The following CEP85L variants were observed in gnomAD, a reference collection of about 807,000 sequenced individuals.
CEP85L encodes the protein centrosomal protein of 85 kDa-like.
Under a neutral mutation model 100.3 loss-of-function variants are expected in CEP85L, and 60 were observed. The observed-to-expected ratio is 0.60, with a 90% CI of 0.49 to 0.74. The LOEUF is 0.74. CEP85L is among the 30% of genes least tolerant of loss of function. The pLI is 0.00. For synonymous variants in CEP85L, 319 were observed against 322.7 expected, an observed-to-expected ratio of 0.99 and a Z score of 0.12; for missense variants, 973 against 936.2, an observed-to-expected ratio of 1.04 and a Z score of -0.51.
At chr6:118,548,112 A>G (rs981967273) in intron 3 of CEP85L, among the ~76,000 whole-genome samples, 1 of 152,156 alleles carries the variant, frequency 6.6e-6, no homozygotes, top group African/African-American at 2.4e-5. Flanking sequence ...ACTGTTTTAA[A>G]TTAAAAACAA....
chr6:118,535,288 G>A (rs1010888814), intron 3 of CEP85L, among the ~76,000 whole-genome samples: 1 of 152,066 alleles, frequency 6.6e-6, no homozygotes, highest in Non-Finnish European at 1.5e-5. Context: ...CACACTCAAA[G>A]GCTATCAACT....
chr6:118,678,646 T>A (rs969144405), intron 1 of CEP85L, among the ~76,000 whole-genome samples: 4 of 152,254 alleles, frequency 2.6e-5, no homozygotes, highest in Admixed American at 1.3e-4. Context: ...TTATCCTCAA[T>A]GCTTGCAGCA....
intron 5 of CEP85L, among the ~76,000 whole-genome samples, chr6:118,496,122 CA>C (rs1444141299): frequency 6.6e-6 from 1 of 152,180 alleles, no homozygotes; most frequent in Admixed American, 6.5e-5. Context: ...GTCAGATGGT[CA>C]CTTCTGCATG....
chr6:118,569,368 A>AAAAAAG (rs56914205), intron 2 of CEP85L, among the ~76,000 whole-genome samples: 3 of 140,770 alleles, frequency 2.1e-5, no homozygotes, highest in African/African-American at 7.7e-5. Context: ...AAAAAAAAAA[A>AAAAAAG]GGAGTAAAAT....
At position 118,480,514 on chromosome 6, in the gene CEP85L, C is replaced by A; in HGVS notation, c.1746-1G>T. 2 of 1,585,294 alleles carry A rather than the reference C, an allele frequency of 1.3e-6. No individual in the cohort carries two copies. Among genetic ancestry groups the A allele is most frequent in the Non-Finnish European group, 1.7e-6 (2 of 1,157,280 alleles). On this transcript the variant is annotated splice_acceptor_variant, in intron 8 of 12. Coordinates refer to ENST00000368491, the MANE Select transcript of CEP85L (RefSeq NM_001042475.3). LOFTEE classifies it high-confidence loss of function. ...GCATCTTTCTACTTTTTGTTGCAAA[C>A]TATTTCAAAAGACAATTATATGAAG...
chr6:118,705,395 T>C (rs1777563571), intron 1 of CEP85L, among the ~76,000 whole-genome samples: 2 of 152,234 alleles, frequency 1.3e-5, no homozygotes, highest in African/African-American at 4.8e-5. Context: ...GGAAGAGATA[T>C]AATTTCTGCA....
Position 118,682,257 on chromosome 6 carries a change from A to C in CEP85L, c.-28+27779T>G, listed in dbSNP as rs575006848. Among the ~76,000 whole-genome samples the C allele has an allele frequency of 4.6e-5, 7 of 152,332 alleles. No homozygotes were observed. In the East Asian group the frequency reaches 1.3e-3, roughly 29 times the overall value. On this transcript the variant is annotated intron_variant, in intron 1 of 13. Coordinates refer to the CEP85L transcript ENST00000368488. ...GTCTTAGAAAAACAATCAAAGAAAA[A>C]TAAAGTATGGTGTCTCCAAGGTTTT...
chr6:118,473,728 G>A (rs533404047), intron 10 of CEP85L, among the ~76,000 whole-genome samples: 1 of 152,248 alleles, frequency 6.6e-6, no homozygotes, highest in Admixed American at 6.5e-5. Flanking sequence ...GCTTGGAACA[G>A]GGTGGCAATG....
chr6:118,502,509 C>A, intron 5 of CEP85L: 1 of 502,824 alleles, frequency 2.0e-6, no homozygotes, highest in South Asian at 1.7e-5. Context: ...ACAAGTAGAG[C>A]CAGCAGGACA....
intron 1 of CEP85L, among the ~76,000 whole-genome samples, chr6:118,669,546 C>T (rs1371168271): frequency 6.6e-6 from 1 of 152,130 alleles, no homozygotes; most frequent in Non-Finnish European, 1.5e-5. Context: ...ATATTACCTA[C>T]TTTTAAATAA....
intron 2 of CEP85L, among the ~76,000 whole-genome samples, chr6:118,585,438 G>A (rs959323068): frequency 3.9e-5 from 6 of 152,204 alleles, no homozygotes; most frequent in Non-Finnish European, 7.3e-5. Context: ...CAGATTAGCT[G>A]ATCAGGCAGC....
intron 6 of CEP85L, among the ~76,000 whole-genome samples, chr6:118,489,800 G>T (rs1214505983): frequency 6.6e-6 from 1 of 152,084 alleles, no homozygotes; most frequent in South Asian, 2.1e-4. Context: ...TTATCCAAAA[G>T]AATTGAAATC....
chr6:118,529,065 G>A lies in CEP85L; in HGVS notation c.1021-5145C>T, dbSNP rs74687451. On this transcript the variant is annotated intron_variant, in intron 3 of 12. Coordinates refer to ENST00000368491, the MANE Select transcript of CEP85L (RefSeq NM_001042475.3). ...TGGAAATAAATCAGGTATCTACCCC[G>A]GAACCATTTATCTTTTGAAAGTCCT... Among the ~76,000 whole-genome samples, 269 of 152,220 alleles carry A rather than the reference G, an allele frequency of 1.8e-3. 1 individual carries two copies. Among genetic ancestry groups the A allele is most frequent in the East Asian group, 0.015 (78 of 5,178 alleles).
chr6:118,540,670 T>C (rs2114875224), intron 3 of CEP85L, among the ~76,000 whole-genome samples: 1 of 151,992 alleles, frequency 6.6e-6, no homozygotes, highest in South Asian at 2.1e-4. Context: ...GGCAGGAGAA[T>C]CGCTTGAACC....
intron 2 of CEP85L, among the ~76,000 whole-genome samples, chr6:118,594,498 T>C (rs1253984183): frequency 6.6e-6 from 1 of 152,072 alleles, no homozygotes; most frequent in East Asian, 1.9e-4. Flanking sequence ...AGAAAAAACT[T>C]AACACTATCT....
At chr6:118,561,823 AAAATC>A (rs1210087614) in intron 3 of CEP85L, among the ~76,000 whole-genome samples, 1 of 152,190 alleles carries the variant, frequency 6.6e-6, no homozygotes, top group African/African-American at 2.4e-5. Flanking sequence ...CAAATAAAAC[AAAATC>A]AAGACGCCCA....
chr6:118,465,283 A>T lies in CEP85L; in HGVS notation c.*122T>A. The T allele has an allele frequency of 1.1e-6, 1 of 876,954 alleles. No individual in the cohort carries two copies. The highest frequency in any genetic ancestry group is 1.7e-6 in the Non-Finnish European group (1 of 597,882). 54.3% of individuals were successfully genotyped at this position (876,954 alleles called of 1,614,324 possible). A position where few individuals can be genotyped will look rare whatever the true frequency, so the allele number is the denominator to read the frequency against. Reference sequence around the variant, plus strand: ...TCACTTCCCTTCTCCCCTTCAACAAAACAAATCCACAGAAAAAAAATCCCT... The same window carrying T: ...TCACTTCCCTTCTCCCCTTCAACAATACAAATCCACAGAAAAAAAATCCCT... On this transcript the variant is annotated 3_prime_UTR_variant, in exon 13 of 13. Transcript: ENST00000368491.
At chr6:118,513,756 T>A (rs1776105105) in intron 4 of CEP85L, among the ~76,000 whole-genome samples, 3 of 151,910 alleles carry the variant, frequency 2.0e-5, no homozygotes, top group Non-Finnish European at 4.4e-5. Flanking sequence ...ACAAAAAAAA[T>A]GATAAAGGAA....
intron 2 of CEP85L, among the ~76,000 whole-genome samples, chr6:118,595,288 T>A (rs1781407637): frequency 7.7e-6 from 1 of 130,290 alleles, no homozygotes; most frequent in South Asian, 2.5e-4. Flanking sequence ...TTGTCGTAGA[T>A]CTATTTCCTT....
Sources: gnomAD v4.1 joint callset for allele counts (sites outside exome capture counted in the v4.1 genomes callset) on GRCh38, gnomAD v4.1.1 for gene constraint, MANE v1.5 for transcripts, NCBI Gene and HGNC (gene_info 2026-07-23, HGNC 2026-07-21) for gene names.